Variants in SREBF2 observed in about 807,000 individuals in gnomAD.
SREBF2 encodes the protein sterol regulatory element binding transcription factor 2.
SREBF2 carries 55 observed loss-of-function variants against 113.1 expected under a neutral mutation model. The ratio of observed to expected loss-of-function variants is 0.49; its 90% CI spans 0.39 to 0.61. The LOEUF (loss-of-function observed/expected upper bound fraction) is 0.61, where lower values mean the gene tolerates loss of function less well. Ranked by LOEUF, SREBF2 falls within the 20% of genes least tolerant of loss-of-function variation. SREBF2 has a pLI of 0.00. For synonymous variants in SREBF2, 593 were observed against 605.7 expected (o/e 0.98, Z 0.31); for missense variants, 1,349 against 1,487.4 (o/e 0.91, Z 1.53).
intron 15 of SREBF2, 91 bp from the exon 16 acceptor site, chr22:41,900,239 T>C (rs1602349241): frequency 4.5e-6 from 7 of 1,569,054 alleles, no homozygotes; most frequent in Non-Finnish European, 4.3e-6. Flanking sequence ...CATATCAGTG[T>C]GGGGCGTGGC....
At chr22:41,905,081 A>C (rs938521281) in intron 18 of SREBF2, 107 bp downstream of exon 18, 26 of 1,068,944 alleles carry the variant, frequency 2.4e-5, no homozygotes, top group Admixed American at 4.2e-5. Context: ...GGTGCCCAGC[A>C]CACCTCTCGC....
At chr22:41,841,374 T>G (rs2047632825) in intron 1 of SREBF2, among the ~76,000 whole-genome samples, 1 of 152,234 alleles carries the variant, frequency 6.6e-6, no homozygotes, top group Non-Finnish European at 1.5e-5. Context: ...AGCTTATTTA[T>G]TTTCCACCCA....
At chr22:41,884,435 G>A (rs1379438151) in intron 10 of SREBF2, among the ~76,000 whole-genome samples, 1 of 152,168 alleles carries the variant, frequency 6.6e-6, no homozygotes, top group African/African-American at 2.4e-5. Flanking sequence ...CTGGCACCCA[G>A]CCACATTGTG....
chr22:41,869,629 A>G (rs980606731), intron 3 of SREBF2, among the ~76,000 whole-genome samples: 10 of 150,772 alleles, frequency 6.6e-5, no homozygotes, highest in Non-Finnish European at 8.9e-5. Flanking sequence ...GATTACAAGC[A>G]CCTGCCACTG....
rs751357169 is a variant in SREBF2 at position 41,904,974 on chromosome 22, G to A, written c.3205G>A (p.Gly1069Arg). The change falls in exon 18 of 19, where the codon GGA (glycine) becomes AGA (arginine). Residue 1069 changes from glycine to arginine, a missense_variant and splice_region_variant. Transcript: ENST00000361204. Reference sequence around the variant, plus strand: ...GCGCACCACGCAGAGCACCAAGCACGGTGAGTCCACCCCTCCCCAGCTCAC... The same window carrying A: ...GCGCACCACGCAGAGCACCAAGCACAGTGAGTCCACCCCTCCCCAGCTCAC... ...RRRTTQSTKH[G>R]EVDAWPGQRE... is the part of the protein sequence containing the mutation. The A allele has an allele frequency of 8.2e-6, 13 of 1,588,198 alleles. No individual in the cohort carries two copies. Among genetic ancestry groups the A allele is most frequent in the Middle Eastern group, 2.0e-4 (1 of 5,058 alleles).
At position 41,847,923 on chromosome 22, in the gene SREBF2, T is replaced by A. The variant is rs201012257; in HGVS notation, c.88+14565T>A. On this transcript the variant is annotated intron_variant, in intron 1 of 18. Coordinates refer to ENST00000361204, the MANE Select transcript of SREBF2 (RefSeq NM_004599.4). ...ATTTATTTTCATTATTATTATTATT[T>A]TTTTTTTTTTGAGACGGAGTCTCGC... Among the ~76,000 whole-genome samples, 256 of 112,276 alleles carry A rather than the reference T, an allele frequency of 2.3e-3. 1 individual carries two copies. The highest frequency in any genetic ancestry group is 9.5e-3 in the South Asian group (30 of 3,170). The allele number at this position is 112,276 out of a possible 152,430, so 73.7% of individuals were successfully genotyped here.
Position 41,898,673 on chromosome 22 carries a change from G to C in SREBF2, c.2630G>C (p.Trp877Ser). The C allele has an allele frequency of 6.2e-7, 1 of 1,613,984 alleles. No homozygotes were observed. Among genetic ancestry groups the C allele is most frequent in the Non-Finnish European group, 8.5e-7 (1 of 1,179,994 alleles). ...GGTCCAGACATCATCTGTCGGTGGTGGACGTCTGCAATCACTGTGGCCATC... is the reference window on the plus strand; with the variant it reads ...GGTCCAGACATCATCTGTCGGTGGTCGACGTCTGCAATCACTGTGGCCATC... The part of the protein sequence containing the change: ...ALGPDIICRW[W>S]TSAITVAISW... Residue 877 changes from tryptophan (W) to serine (S), a missense_variant, in exon 15 of 19, where the codon TGG (tryptophan) becomes TCG (serine). By Grantham distance (177) the Trp-to-Ser change is radical. This residue lies in a region of SREBF2 where 650 missense variants were observed against 644.1 expected (regional missense o/e 1.01). Coordinates refer to ENST00000361204, the MANE Select transcript of SREBF2 (RefSeq NM_004599.4).
intron 1 of SREBF2, among the ~76,000 whole-genome samples, chr22:41,844,111 A>G (rs1044707420): frequency 6.6e-6 from 1 of 151,424 alleles, no homozygotes; most frequent in African/African-American, 2.4e-5. Flanking sequence ...TGTCTGCTCT[A>G]TGCTGGACAC....
At position 41,880,905 on chromosome 22, in the gene SREBF2, A is replaced by G. The variant is rs756279776; in HGVS notation, c.1951A>G (p.Thr651Ala). Reference sequence around the variant, plus strand: ...CCAGTGCCGGCGGGCCACGCCAGCCACTGAGGCAGGCTTTGAAGACGAAGC... The same window carrying G: ...CCAGTGCCGGCGGGCCACGCCAGCCGCTGAGGCAGGCTTTGAAGACGAAGC... ...VFQCRRATPATEAGFEDEAKT... is the reference protein window; with the variant it reads ...VFQCRRATPAAEAGFEDEAKT... The change falls in exon 10 of 19, where the codon ACT (threonine) becomes GCT (alanine). Residue 651 changes from threonine (T) to alanine (A), a missense_variant. Around this residue, in one of 2 missense-constraint regions of SREBF2, gnomAD observed 699 missense variants for 843.3 expected, o/e 0.83. Transcript: ENST00000361204. 3 of 1,613,734 alleles carry G rather than the reference A, an allele frequency of 1.9e-6. No individual in the cohort carries two copies. The South Asian group carries it at 3.3e-5, about 18-fold the overall frequency.
At chr22:41,866,300 C>G (rs1286505496) in intron 1 of SREBF2, among the ~76,000 whole-genome samples, 1 of 151,824 alleles carries the variant, frequency 6.6e-6, no homozygotes, top group African/African-American at 2.4e-5. Flanking sequence ...CCTGTAATCC[C>G]AGCACTTTGG....
At chr22:41,844,097 A>AAAATGTCTG (rs1310086472) in intron 1 of SREBF2, among the ~76,000 whole-genome samples, 1 of 151,304 alleles carries the variant, frequency 6.6e-6, no homozygotes. Flanking sequence ...AAATTAAGAA[A>AAAATGTCTG]AAATGTCTGC....
intron 11 of SREBF2, 29 bp downstream of exon 11, chr22:41,885,040 A>G: frequency 6.2e-6 from 10 of 1,612,408 alleles, no homozygotes; most frequent in Non-Finnish European, 8.5e-6. Context: ...CCTTCTGTAA[A>G]CCTCCCCTGA....
intron 1 of SREBF2, among the ~76,000 whole-genome samples, chr22:41,863,783 GC>G (rs1474311309): frequency 1.3e-5 from 2 of 152,150 alleles, no homozygotes; most frequent in Non-Finnish European, 2.9e-5. Flanking sequence ...TACTTAAGGT[GC>G]CCAGATTGAA....
At chr22:41,853,346 A>G (rs888441003) in intron 1 of SREBF2, among the ~76,000 whole-genome samples, 38 of 152,064 alleles carry the variant, frequency 2.5e-4, no homozygotes, top group Admixed American at 2.5e-3. Flanking sequence ...TTGGCTCTTG[A>G]GGTTCCCTGG....
Position 41,871,365 on chromosome 22 carries a change from G to C in SREBF2, c.867+330G>C, listed in dbSNP as rs1030644842. On this transcript the variant is annotated intron_variant, in intron 4 of 18. Coordinates refer to ENST00000361204, the MANE Select transcript of SREBF2 (RefSeq NM_004599.4). ...AAGGACCCTAGGGCCACCAGGCAGG[G>C]AAGGGCTCCAAGGTGAAGAACATGG... Among the ~76,000 whole-genome samples, 6 of 152,142 alleles carry C rather than the reference G, an allele frequency of 3.9e-5. No homozygotes were observed. In the East Asian group the frequency reaches 1.2e-3, roughly 29 times the overall value.
At chr22:41,877,525 CT>C in intron 8 of SREBF2, 104 bp downstream of exon 8, 1 of 1,340,956 alleles carries the variant, frequency 7.5e-7, no homozygotes, top group Non-Finnish European at 1.0e-6. Flanking sequence ...TCCCAAAGGG[CT>C]TTTATAGTGG....
At chr22:41,871,799 T>C (rs746784853) in intron 4 of SREBF2, among the ~76,000 whole-genome samples, 1 of 150,418 alleles carries the variant, frequency 6.6e-6, no homozygotes, top group African/African-American at 2.5e-5. Context: ...CTCAGGAGGC[T>C]GAGGCAGGAG....
At chr22:41,883,608 A>G (rs1375233338) in intron 10 of SREBF2, among the ~76,000 whole-genome samples, 2 of 152,144 alleles carry the variant, frequency 1.3e-5, no homozygotes, top group African/African-American at 4.8e-5. Context: ...TCCCTGTGTG[A>G]GGCACTGAGG....
In SREBF2 at chr22:41,864,320, TA is replaced by T. The variant is rs1482249973; in HGVS notation, c.89-2510del. 2.8e-4 allele frequency among the ~76,000 whole-genome samples: 29 copies of T among 104,536 alleles called. 1 individual carries two copies. Among genetic ancestry groups the T allele is most frequent in the South Asian group, 1.3e-3 (4 of 3,132 alleles). The allele number at this position is 104,536 out of a possible 152,430, so 68.6% of individuals were successfully genotyped here. A position where few individuals can be genotyped will look rare whatever the true frequency, so the allele number is the denominator to read the frequency against. On this transcript the variant is annotated intron_variant, in intron 1 of 18. Transcript: ENST00000361204. The stretch of plus-strand genomic sequence containing the variant: ...ATATATATATATATGTATATATATA[TA>T]TATTTTTTTTTTTTTTTGAGACTGA...
Sources: gnomAD v4.1 joint callset for allele counts (sites outside exome capture counted in the v4.1 genomes callset) on GRCh38, gnomAD v4.1.1 for gene constraint, gnomAD v4.1.1 regional missense constraint, MANE v1.5 for transcripts, NCBI Gene and HGNC (gene_info 2026-07-23, HGNC 2026-07-21) for gene names.